CAMTA1: variants seen among roughly 807,000 people sequenced by gnomAD.
CAMTA1 encodes the protein calmodulin-binding transcription activator 1.
CAMTA1 carries 27 observed loss-of-function variants against 170.9 expected under a neutral mutation model. That is an observed-to-expected ratio of 0.16 (90% confidence interval 0.12 to 0.22). The LOEUF (loss-of-function observed/expected upper bound fraction) is 0.22. Among genes scored for constraint, CAMTA1 ranks in the 10% least tolerant of loss-of-function variants. The pLI, the probability that CAMTA1 is intolerant of heterozygous loss-of-function variation, is 1.00. For missense variants in CAMTA1, 1,619 were observed against 2,217.2 expected (o/e 0.73, Z 5.42); for synonymous variants, 833 against 891.5 (o/e 0.93, Z 1.17).
At chr1:7,751,156 G>A (rs1285249385) in intron 19 of CAMTA1, 43 bp from the exon 20 acceptor site, 8 of 1,492,892 alleles carry the variant, frequency 5.4e-6, no homozygotes, top group Non-Finnish European at 7.3e-6. Context: ...AGCCCGTGCA[G>A]CCCCTGTTGT....
At chr1:7,625,750 C>T (rs965659553) in intron 6 of CAMTA1, among the ~76,000 whole-genome samples, 7 of 152,334 alleles carry the variant, frequency 4.6e-5, no homozygotes, top group African/African-American at 1.4e-4. Context: ...TTCAGGATGT[C>T]GAGCCCCACT....
intron 6 of CAMTA1, among the ~76,000 whole-genome samples, chr1:7,498,080 C>T (rs928582363): frequency 5.3e-5 from 8 of 150,524 alleles, no homozygotes; most frequent in Admixed American, 1.3e-4. Context: ...GGAAGGGGTG[C>T]GGGGAGCATC....
intron 6 of CAMTA1, among the ~76,000 whole-genome samples, chr1:7,558,070 G>C (rs766401482): frequency 2.0e-5 from 3 of 152,018 alleles, no homozygotes; most frequent in Non-Finnish European, 4.4e-5. Flanking sequence ...CCTCCTCCTC[G>C]CCTGGCTCTC....
Position 7,673,991 on chromosome 1 carries a change from G to C in CAMTA1, c.2779+2954G>C, listed in dbSNP as rs1293740650. Among the ~76,000 whole-genome samples the C allele has an allele frequency of 3.3e-5, 5 of 152,148 alleles. No individual in the cohort carries two copies. Among genetic ancestry groups the C allele is most frequent in the Non-Finnish European group, 7.3e-5 (5 of 68,030 alleles). ...CCGGAGATGACGCTGGCTGCTTGGG[G>C]ACCTCATCTTTGGGTCTCCCCAGAG... On this transcript the variant is annotated intron_variant, in intron 10 of 22. Transcript: ENST00000303635. The surrounding 1 kb of genome is among the most constrained non-coding windows in gnomAD (Gnocchi z 4.6).
chr1:7,372,505 C>A (rs2086548542), intron 5 of CAMTA1, among the ~76,000 whole-genome samples: 1 of 152,236 alleles, frequency 6.6e-6, no homozygotes. Flanking sequence ...CTGTTGCAGG[C>A]TGATCACTGA....
chr1:6,847,971 A>C (rs1205966377), intron 3 of CAMTA1, among the ~76,000 whole-genome samples: 1 of 150,636 alleles, frequency 6.6e-6, no homozygotes, highest in African/African-American at 2.4e-5. Context: ...TCAGCCTCCC[A>C]AAGTGCTGGG....
At chr1:7,483,146 G>A (rs2093564809) in intron 6 of CAMTA1, among the ~76,000 whole-genome samples, 1 of 152,174 alleles carries the variant, frequency 6.6e-6, no homozygotes, top group Admixed American at 6.5e-5. Flanking sequence ...GCAGGCTCAG[G>A]ACATATTTGA....
At chr1:7,272,708 A>AAAAAG (rs1323812523) in intron 5 of CAMTA1, among the ~76,000 whole-genome samples, 1 of 147,264 alleles carries the variant, frequency 6.8e-6, no homozygotes, top group Non-Finnish European at 1.5e-5. Flanking sequence ...AAAAAAAAAA[A>AAAAAG]AAAAAAAAGA....
At chr1:7,566,870 C>T (rs532103558) in intron 6 of CAMTA1, among the ~76,000 whole-genome samples, 63 of 152,352 alleles carry the variant, frequency 4.1e-4, no homozygotes, top group African/African-American at 1.5e-3. Flanking sequence ...GCCAGACTCC[C>T]GAGCACCCCC....
intron 3 of CAMTA1, among the ~76,000 whole-genome samples, chr1:6,901,794 C>T (rs1202735664): frequency 3.3e-5 from 5 of 151,928 alleles, no homozygotes; most frequent in African/African-American, 1.2e-4. Context: ...TGTAATTTAC[C>T]CAGCACTTTG....
intron 5 of CAMTA1, among the ~76,000 whole-genome samples, chr1:7,410,894 C>CGTGT (rs758942210): frequency 2.2e-5 from 2 of 91,928 alleles, no homozygotes; most frequent in Non-Finnish European, 4.4e-5. Flanking sequence ...GGAGGGTGGG[C>CGTGT]GTCTGTGTGT....
chr1:7,102,198 C>A (rs1319845963), intron 4 of CAMTA1, among the ~76,000 whole-genome samples: 1 of 152,124 alleles, frequency 6.6e-6, no homozygotes, highest in Non-Finnish European at 1.5e-5. Context: ...ATTAATTATT[C>A]TATACTGGCT....
intron 5 of CAMTA1, among the ~76,000 whole-genome samples, chr1:7,433,505 T>G (rs997176704): frequency 6.6e-6 from 1 of 152,076 alleles, no homozygotes; most frequent in African/African-American, 2.4e-5. Flanking sequence ...AGGTACCCAC[T>G]TCTCAGGGAG....
intron 6 of CAMTA1, among the ~76,000 whole-genome samples, chr1:7,612,057 G>C (rs1186138279): frequency 6.6e-6 from 1 of 152,248 alleles, no homozygotes; most frequent in Non-Finnish European, 1.5e-5. Flanking sequence ...TACAATTAAT[G>C]CTGTTTTGGC....
chr1:6,936,454 G>A (rs1363986351), intron 3 of CAMTA1, among the ~76,000 whole-genome samples: 1 of 152,098 alleles, frequency 6.6e-6, no homozygotes, highest in African/African-American at 2.4e-5. Context: ...GCAGATGCCT[G>A]TGGATGGGGG....
At chr1:7,723,842 C>A (rs931904292) in intron 11 of CAMTA1, among the ~76,000 whole-genome samples, 3 of 152,224 alleles carry the variant, frequency 2.0e-5, no homozygotes, top group Admixed American at 2.0e-4. Context: ...GATAGAGTTT[C>A]ACTCTGTCAC....
intron 6 of CAMTA1, among the ~76,000 whole-genome samples, chr1:7,556,994 G>A (rs1441454525): frequency 6.6e-6 from 1 of 152,128 alleles, no homozygotes; most frequent in Admixed American, 6.6e-5. Context: ...TGAGGAGATG[G>A]AGCATCTTAA....
chr1:7,472,049 C>A (rs908426573), intron 6 of CAMTA1, among the ~76,000 whole-genome samples: 1 of 152,344 alleles, frequency 6.6e-6, no homozygotes, highest in East Asian at 1.9e-4. Flanking sequence ...TCGAGTGAAG[C>A]GGGGGTGTGT....
intron 4 of CAMTA1, among the ~76,000 whole-genome samples, chr1:7,152,545 T>C (rs1646635896): frequency 6.6e-6 from 1 of 152,222 alleles, no homozygotes; most frequent in African/African-American, 2.4e-5. Flanking sequence ...CTCTGAGCCA[T>C]GCTGAGAAAA....
Sources: gnomAD v4.1 joint callset for allele counts (sites outside exome capture counted in the v4.1 genomes callset) on GRCh38, gnomAD v4.1.1 for gene constraint, Gnocchi (gnomAD v3.1) non-coding constraint, MANE v1.5 for transcripts, NCBI Gene and HGNC (gene_info 2026-07-23, HGNC 2026-07-21) for gene names.